Variants in MYO7B observed in about 807,000 individuals in gnomAD.
MYO7B encodes unconventional myosin-VIIb.
Under a neutral mutation model 259.7 loss-of-function variants are expected in MYO7B, and 212 were observed. The ratio of observed to expected loss-of-function variants is 0.82; its 90% confidence interval spans 0.73 to 0.91. MYO7B has a LOEUF of 0.91. MYO7B is among the 40% of genes least tolerant of loss of function. The pLI is 0.00. For synonymous variants in MYO7B, 1,197 were observed against 1,166.4 expected, an observed-to-expected ratio of 1.03 and a Z score of -0.54; for missense variants, 2,732 against 2,813.5, an observed-to-expected ratio of 0.97 and a Z score of 0.66.
rs1022951991 is a variant in MYO7B, at chr2:127,576,001, G to A, written c.736-594G>A. Among the ~76,000 whole-genome samples, 2 of 152,062 alleles carry A rather than the reference G, an allele frequency of 1.3e-5. No homozygotes were observed. Among genetic ancestry groups the A allele is most frequent in the Non-Finnish European group, 2.9e-5 (2 of 67,998 alleles). Reference sequence around the variant, plus strand: ...AATAGTGTTTTAAAAAATACAGAAGGCACCCTAGGCAACATGGCAAAACCC... The same window carrying A: ...AATAGTGTTTTAAAAAATACAGAAGACACCCTAGGCAACATGGCAAAACCC... On this transcript the variant is annotated intron_variant, in intron 7 of 47. Coordinates refer to ENST00000409816, the MANE Select transcript of MYO7B (RefSeq NM_001393586.1). This position sits in a 1 kb window ranked among gnomAD's most constrained non-coding sequence, Gnocchi z 4.9.
rs769726574 is a variant in MYO7B at position 127,630,778 on chromosome 2, A to C, written c.4807A>C (p.Ser1603Arg). 1.4e-5 allele frequency: 22 copies of C among 1,612,672 alleles called. No individual in the cohort carries two copies. The highest frequency in any genetic ancestry group is 1.9e-5 in the Non-Finnish European group (22 of 1,179,736). Residue 1603 changes from serine (S) to arginine (R), a missense_variant and splice_region_variant, in exon 36 of 48, where the codon AGC becomes CGC. Coordinates refer to ENST00000409816, the MANE Select transcript of MYO7B (RefSeq NM_001393586.1). Reference sequence around the variant, plus strand: ...ACCCACAGGCCTGTGCCCCCTTCAGAGCTTGCTTGCCATGTCACCAGAGAA... The same window carrying C: ...ACCCACAGGCCTGTGCCCCCTTCAGCGCTTGCTTGCCATGTCACCAGAGAA... ...TVTKPSAQLL[S>R]LLAMSPEKRK...
chr2:127,629,765 T>C lies in MYO7B; in HGVS notation c.4745T>C (p.Leu1582Pro). Residue 1582 changes from leucine to proline, a missense_variant, in exon 35 of 48, where the codon CTG becomes CCG. Transcript: ENST00000409816. The part of the protein sequence containing the change: ...GQNDRTGKTG[L>P]VPMACLYTIP... ...AACGACAGGACAGGCAAGACGGGGCTGGTGCCCATGGCCTGCCTCTACACC... is the reference window on the plus strand; with the variant it reads ...AACGACAGGACAGGCAAGACGGGGCCGGTGCCCATGGCCTGCCTCTACACC... 1 of 1,609,932 alleles carries C rather than the reference T, an allele frequency of 6.2e-7. No homozygotes were observed. Among genetic ancestry groups the C allele is most frequent in the Non-Finnish European group, 8.5e-7 (1 of 1,178,214 alleles).
chr2:127,620,243 C>T, intron 26 of MYO7B, 97 bp from the exon 27 acceptor site: 2 of 1,419,626 alleles, frequency 1.4e-6, no homozygotes, highest in Non-Finnish European at 1.9e-6. Flanking sequence ...GCATATGGGA[C>T]CTCTCAGAGG....
rs769677789 is a variant in MYO7B at position 127,609,929 on chromosome 2, G to C, written c.3105G>C (p.Gln1035His). The change falls in exon 24 of 48, where the codon CAG (glutamine) becomes CAC (histidine). Residue 1035 changes from glutamine to histidine, a missense_variant. Physicochemically the swap from Gln to His is conservative, Grantham distance 24 (BLOSUM62 0). Transcript: ENST00000409816. This position sits in a 1 kb window ranked among gnomAD's most constrained non-coding sequence, Gnocchi z 6.9. ...PEPVLYARSSQQGSSVMRQIH... is the reference protein window; with the variant it reads ...PEPVLYARSSHQGSSVMRQIH... ...CAGTGCTGTATGCCAGGAGCAGCCA[G>C]CAGGGCAGCTCAGTGATGCGGCAGA... The C allele has an allele frequency of 1.3e-5, 21 of 1,609,446 alleles. No homozygotes were observed. In the South Asian group the frequency reaches 2.3e-4, roughly 18 times the overall value.
intron 7 of MYO7B, among the ~76,000 whole-genome samples, chr2:127,575,804 A>T (rs1678843808): frequency 6.6e-6 from 1 of 152,032 alleles, no homozygotes; most frequent in African/African-American, 2.4e-5. Context: ...TATTTTTTGT[A>T]GAGGTGAGGT....
At chr2:127,575,659 C>T (rs368666755) in intron 7 of MYO7B, among the ~76,000 whole-genome samples, 1 of 151,452 alleles carries the variant, frequency 6.6e-6, no homozygotes, top group Non-Finnish European at 1.5e-5. Flanking sequence ...GGTTCTGGGG[C>T]GGGGAGGAGG....
At chr2:127,624,390 A>T in intron 30 of MYO7B, 70 bp downstream of exon 30, 1 of 1,415,868 alleles carries the variant, frequency 7.1e-7, no homozygotes, top group Non-Finnish European at 9.5e-7. Flanking sequence ...GGAGGCACCC[A>T]ACTGGCTTCT....
Position 127,592,837 on chromosome 2 carries a change from G to T in MYO7B, c.2036G>T (p.Gly679Val), listed in dbSNP as rs753377477. The stretch of plus-strand genomic sequence containing the variant: ...TGCCTGCGGCAGCTGCGATACTCGG[G>T]CATGATGGAGACCGTGCACATCCGC... ...ELCLRQLRYS[G>V]MMETVHIRKS... The change falls in exon 17 of 48, where the codon GGC (glycine) becomes GTC (valine). Residue 679 changes from glycine (G) to valine (V), a missense_variant. Coordinates refer to ENST00000409816, the MANE Select transcript of MYO7B (RefSeq NM_001393586.1). The T allele has an allele frequency of 6.2e-7, 1 of 1,610,276 alleles. No homozygotes were observed. Among genetic ancestry groups the T allele is most frequent in the Non-Finnish European group, 8.5e-7 (1 of 1,179,022 alleles).
At position 127,584,059 on chromosome 2, in the gene MYO7B, C is replaced by G. The variant is rs1413789523; in HGVS notation, c.1344-63C>G. On this transcript the variant is annotated intron_variant, in intron 12 of 47. Transcript: ENST00000409816. This position sits in a 1 kb window ranked among gnomAD's most constrained non-coding sequence, Gnocchi z 5.8. ...ATGGCTGGTGATCCTATGGCTCCAG[C>G]CTGCTGCAGCGGGGACTCAGCTGGC... The G allele has an allele frequency of 1.8e-5, 26 of 1,476,622 alleles. No homozygotes were observed. The highest frequency in any genetic ancestry group is 2.3e-5 in the Non-Finnish European group (25 of 1,077,608). The allele number at this position is 1,476,622 out of a possible 1,614,324, so 91.5% of individuals were successfully genotyped here.
At chr2:127,598,039 G>GT (rs2104995761) in intron 19 of MYO7B, among the ~76,000 whole-genome samples, 1 of 152,336 alleles carries the variant, frequency 6.6e-6, no homozygotes, top group African/African-American at 2.4e-5. Flanking sequence ...GCTGTTTCCA[G>GT]TTTTTGGCTT....
At chr2:127,574,464 T>C (rs1426751486) in intron 7 of MYO7B, among the ~76,000 whole-genome samples, 5 of 152,180 alleles carry the variant, frequency 3.3e-5, no homozygotes, top group Non-Finnish European at 7.4e-5. Context: ...TGCTTGAGCC[T>C]AGGAGGCAGA....
chr2:127,619,362 G>A (rs1464849861), intron 26 of MYO7B, among the ~76,000 whole-genome samples: 3 of 140,382 alleles, frequency 2.1e-5, no homozygotes, highest in East Asian at 2.2e-4. Context: ...GGTGGTGGGC[G>A]CCAGCTGAGT....
chr2:127,593,354 G>A (rs1352243014), intron 17 of MYO7B, among the ~76,000 whole-genome samples, 192 bp from the exon 18 acceptor site: 7 of 152,012 alleles, frequency 4.6e-5, no homozygotes, highest in Non-Finnish European at 2.9e-5. Context: ...AGCACATGGA[G>A]GCCCCGGGCC....
chr2:127,566,332 T>G (rs576600315), intron 4 of MYO7B, among the ~76,000 whole-genome samples: 11 of 152,330 alleles, frequency 7.2e-5, no homozygotes, highest in South Asian at 6.2e-4. Flanking sequence ...GAAAACCCAT[T>G]TCATACTTAG....
rs760440044 is a variant in MYO7B, at chr2:127,631,326, C to T, written c.5058C>T (p.Asn1686=). ...CGCTGCTCAAGCGAGTCCACGCCAA[C>T]GTCGACCTCTGGGACATCGCCTGCC... The part of the protein sequence containing the change: ...RQPLLKRVHA[N]VDLWDIACQI... Residue 1686 remains asparagine (N), a synonymous_variant, in exon 37 of 48, where the codon AAC becomes AAT. Transcript: ENST00000409816. 1.2e-5 allele frequency: 20 copies of T among 1,611,642 alleles called. No individual in the cohort carries two copies. The East Asian group carries it at 1.3e-4, about 11-fold the overall frequency.
At chr2:127,564,461 A>C (rs1678246508) in intron 3 of MYO7B, among the ~76,000 whole-genome samples, 195 bp downstream of exon 3, 1 of 152,244 alleles carries the variant, frequency 6.6e-6, no homozygotes, top group Admixed American at 6.5e-5. Flanking sequence ...CGTTTCAAGA[A>C]GGAAGTGGGA....
chr2:127,603,497 G>T (rs1264488369), intron 19 of MYO7B, among the ~76,000 whole-genome samples: 2 of 152,206 alleles, frequency 1.3e-5, no homozygotes, highest in African/African-American at 4.8e-5. Context: ...AGCAGTAATA[G>T]TTTGAAAGAA....
Position 127,635,904 on chromosome 2 carries a change from A to G in MYO7B, c.6003A>G (p.Lys2001=). The G allele has an allele frequency of 6.4e-7, 1 of 1,567,900 alleles. No individual in the cohort carries two copies. The highest frequency in any genetic ancestry group is 8.6e-7 in the Non-Finnish European group (1 of 1,156,760). ...LTRLMSSEEW[K]KSILLAYDKH... Reference sequence around the variant, plus strand: ...GCCTGATGTCCTCGGAGGAGTGGAAAAAGGTCCCTGGTCGGGCTGGGGAAG... The same window carrying G: ...GCCTGATGTCCTCGGAGGAGTGGAAGAAGGTCCCTGGTCGGGCTGGGGAAG... The change falls in exon 44 of 48, where the codon AAA becomes AAG. Residue 2001 remains lysine (K), a synonymous_variant. Transcript: ENST00000409816.
chr2:127,598,326 T>C (rs1209019268), intron 19 of MYO7B, among the ~76,000 whole-genome samples: 1 of 152,246 alleles, frequency 6.6e-6, no homozygotes, highest in African/African-American at 2.4e-5. Context: ...TGGTCTCTCA[T>C]TGTGGCTGTC....
Sources: gnomAD v4.1 joint callset for allele counts (sites outside exome capture counted in the v4.1 genomes callset) on GRCh38, gnomAD v4.1.1 for gene constraint, Gnocchi (gnomAD v3.1) non-coding constraint, MANE v1.5 for transcripts, NCBI Gene and HGNC (gene_info 2026-07-23, HGNC 2026-07-21) for gene names.